The following CPNE4 variants were observed in gnomAD, a reference collection of about 807,000 sequenced individuals.
CPNE4 encodes copine-4.
CPNE4 carries 25 observed loss-of-function variants against 67.9 expected under a neutral mutation model. The ratio of observed to expected loss-of-function variants is 0.37; its 90% CI spans 0.27 to 0.51. The LOEUF (loss-of-function observed/expected upper bound fraction) is 0.51. Among genes scored for constraint, CPNE4 ranks in the 20% least tolerant of loss-of-function variants. CPNE4 has a pLI of 0.93. For synonymous variants in CPNE4, 242 were observed against 244.9 expected (o/e 0.99, Z 0.11); for missense variants, 464 against 690.8 (o/e 0.67, Z 3.68).
chr3:131,745,219 G>A (rs1026070407), intron 2 of CPNE4, among the ~76,000 whole-genome samples: 1 of 152,072 alleles, frequency 6.6e-6, no homozygotes, highest in South Asian at 2.1e-4. Context: ...CTTACTTGCT[G>A]TCTTATGTCC....
chr3:131,547,016 G>A (rs1935884770), intron 14 of CPNE4, among the ~76,000 whole-genome samples: 1 of 152,100 alleles, frequency 6.6e-6, no homozygotes, highest in South Asian at 2.1e-4. Flanking sequence ...TAAAATAATG[G>A]TCACATCCAA....
At chr3:131,956,079 C>A (rs2071960740) in intron 1 of CPNE4, among the ~76,000 whole-genome samples, 1 of 147,548 alleles carries the variant, frequency 6.8e-6, no homozygotes, top group Non-Finnish European at 1.5e-5. Context: ...GAAATAAATT[C>A]TTCTCGTATT....
intron 1 of CPNE4, among the ~76,000 whole-genome samples, chr3:131,967,159 A>C (rs1278873000): frequency 1.3e-5 from 2 of 152,202 alleles, no homozygotes; most frequent in African/African-American, 2.4e-5. Context: ...AAAGGCCTTC[A>C]ATAAAATTCA....
At chr3:132,017,799 C>T (rs2073916805) in intron 1 of CPNE4, 1 of 152,276 alleles carries the variant, frequency 6.6e-6, no homozygotes, top group East Asian at 1.9e-4. Flanking sequence ...AGTGCCAAGG[C>T]ATCACATGAC....
intron 11 of CPNE4, 128 bp downstream of exon 11, chr3:131,564,088 T>C: frequency 9.1e-7 from 1 of 1,101,036 alleles, no homozygotes; most frequent in Non-Finnish European, 1.4e-6. Context: ...ACAGAGGGAA[T>C]GAAACTTTTG....
intron 7 of CPNE4, among the ~76,000 whole-genome samples, chr3:131,598,287 G>C (rs965631635): frequency 6.6e-6 from 1 of 152,166 alleles, no homozygotes; most frequent in Non-Finnish European, 1.5e-5. Flanking sequence ...ATGAGAATTG[G>C]AATGAATGCT....
At chr3:131,857,249 G>A (rs890766692) in intron 2 of CPNE4, among the ~76,000 whole-genome samples, 4 of 152,000 alleles carry the variant, frequency 2.6e-5, no homozygotes, top group Admixed American at 6.6e-5. Flanking sequence ...AGGCCAATGC[G>A]TATCATATAT....
chr3:131,559,544 T>C (rs934523512), intron 11 of CPNE4, among the ~76,000 whole-genome samples: 2 of 152,058 alleles, frequency 1.3e-5, no homozygotes, highest in Non-Finnish European at 2.9e-5. Context: ...CTAGTAATAA[T>C]TGTAATAAAA....
chr3:131,841,638 C>T (rs1196851786), intron 2 of CPNE4, among the ~76,000 whole-genome samples: 4 of 152,174 alleles, frequency 2.6e-5, no homozygotes, highest in African/African-American at 9.7e-5. Flanking sequence ...TTCCCCACCC[C>T]ATGTCCATGG....
chr3:131,716,857 G>A (rs1386517085), intron 3 of CPNE4, among the ~76,000 whole-genome samples: 1 of 152,228 alleles, frequency 6.6e-6, no homozygotes, highest in Non-Finnish European at 1.5e-5. Context: ...CAGCTGAGCT[G>A]GGATTTGACC....
chr3:131,719,344 A>T (rs1178164281), intron 3 of CPNE4, among the ~76,000 whole-genome samples: 1 of 152,242 alleles, frequency 6.6e-6, no homozygotes, highest in Non-Finnish European at 1.5e-5. Flanking sequence ...TAAAATGTAG[A>T]TAATGATTCC....
chr3:131,590,515 A>G (rs190464757), intron 7 of CPNE4, among the ~76,000 whole-genome samples: 1 of 152,322 alleles, frequency 6.6e-6, no homozygotes, highest in Non-Finnish European at 1.5e-5. Flanking sequence ...TCTAAGAACC[A>G]TCCAAGTACT....
At chr3:131,837,625 T>G (rs1051492214) in intron 2 of CPNE4, among the ~76,000 whole-genome samples, 1 of 151,382 alleles carries the variant, frequency 6.6e-6, no homozygotes, top group Non-Finnish European at 1.5e-5. Context: ...TGGTGATGGT[T>G]GTACAAATCT....
chr3:131,851,102 TTTATATG>T (rs2086225386), intron 2 of CPNE4, among the ~76,000 whole-genome samples: 1 of 88,962 alleles, frequency 1.1e-5, no homozygotes, highest in Admixed American at 1.4e-4. Context: ...CATCATAGCA[TTTATATG>T]ATATTTTAGA....
intron 1 of CPNE4, among the ~76,000 whole-genome samples, chr3:132,014,804 A>G (rs758107988): frequency 1.3e-5 from 2 of 152,190 alleles, no homozygotes; most frequent in Non-Finnish European, 2.9e-5. Context: ...TTATTTTAGT[A>G]TTATATACTT....
At chr3:131,848,847 C>G (rs1427925696) in intron 2 of CPNE4, among the ~76,000 whole-genome samples, 1 of 149,052 alleles carries the variant, frequency 6.7e-6, no homozygotes. Flanking sequence ...TACAAGCAGT[C>G]TGCTCATTTT....
At chr3:131,997,144 A>G (rs1185834869) in intron 1 of CPNE4, among the ~76,000 whole-genome samples, 1 of 152,172 alleles carries the variant, frequency 6.6e-6, no homozygotes, top group Non-Finnish European at 1.5e-5. Context: ...AGATTACAGC[A>G]TCTCTGCAAC....
At chr3:131,563,040 A>G (rs1181966927) in intron 11 of CPNE4, among the ~76,000 whole-genome samples, 1 of 152,058 alleles carries the variant, frequency 6.6e-6, no homozygotes, top group Non-Finnish European at 1.5e-5. Flanking sequence ...CCAGAGACAC[A>G]GGCAGGCAGG....
intron 6 of CPNE4, among the ~76,000 whole-genome samples, chr3:131,674,335 A>G (rs2080503783): frequency 6.6e-6 from 1 of 152,000 alleles, no homozygotes; most frequent in South Asian, 2.1e-4. Context: ...TCATAGAATG[A>G]GTTTGGAAGT....
Sources: allele counts gnomAD v4.1 joint callset (sites outside exome capture counted in the v4.1 genomes callset), GRCh38; gene constraint gnomAD v4.1.1; transcripts MANE v1.5; gene names NCBI Gene and HGNC (gene_info 2026-07-23, HGNC 2026-07-21).